Variants in VGLL4 observed in about 807,000 individuals in gnomAD.
VGLL4 encodes the protein vestigial like family member 4, also known as transcription cofactor vestigial-like protein 4.
VGLL4 carries 7 observed loss-of-function variants against 21.0 expected under a neutral mutation model. That is an observed-to-expected ratio of 0.33 (90% confidence interval 0.19 to 0.63). VGLL4 has a LOEUF of 0.63. VGLL4 is among the 20% of genes least tolerant of loss of function. The probability of loss-of-function intolerance (pLI) is 0.78; values close to 1 mark genes in which losing one functional copy is unlikely to be tolerated. For synonymous variants in VGLL4, 222 were observed against 173.2 expected (o/e 1.28, Z -2.21); for missense variants, 394 against 425.7 (o/e 0.93, Z 0.66).
chr3:11,662,085 G>C (rs2076046685), intron 2 of VGLL4, among the ~76,000 whole-genome samples: 1 of 152,144 alleles, frequency 6.6e-6, no homozygotes, highest in East Asian at 1.9e-4. Flanking sequence ...GCCCAAGAAA[G>C]CTATCAGAAG....
At chr3:11,703,359 C>T (rs1342514883) in intron 1 of VGLL4, among the ~76,000 whole-genome samples, 2 of 152,170 alleles carry the variant, frequency 1.3e-5, no homozygotes, top group Non-Finnish European at 2.9e-5. Flanking sequence ...CATAACATGC[C>T]TGTATAAACA....
At chr3:11,634,280 T>C (rs1186794367) in intron 1 of VGLL4, among the ~76,000 whole-genome samples, 1 of 152,178 alleles carries the variant, frequency 6.6e-6, no homozygotes, top group African/African-American at 2.4e-5. Context: ...CATCCGCTTG[T>C]AGGAGCTGGA....
intron 2 of VGLL4, among the ~76,000 whole-genome samples, chr3:11,700,930 T>A (rs1375207266): frequency 6.6e-6 from 1 of 152,206 alleles, no homozygotes; most frequent in African/African-American, 2.4e-5. Context: ...ATCAGGTGGT[T>A]ATATCCTCAC....
intron 2 of VGLL4, among the ~76,000 whole-genome samples, chr3:11,579,820 G>A (rs927594542): frequency 2.0e-5 from 3 of 152,132 alleles, no homozygotes; most frequent in Admixed American, 6.5e-5. Flanking sequence ...TACCACCCCC[G>A]GTGGTCATCA....
intron 3 of VGLL4, among the ~76,000 whole-genome samples, chr3:11,561,394 C>T (rs1378301402): frequency 1.3e-5 from 2 of 152,326 alleles, no homozygotes; most frequent in Non-Finnish European, 2.9e-5. Flanking sequence ...ACCTTCAGGG[C>T]ATCTCCTGAC....
chr3:11,639,359 G>A (rs943343058), intron 1 of VGLL4, among the ~76,000 whole-genome samples: 1 of 152,250 alleles, frequency 6.6e-6, no homozygotes, highest in Non-Finnish European at 1.5e-5. Flanking sequence ...GCAGCACGAA[G>A]AGCACCTTCC....
At chr3:11,695,776 C>T (rs2076598748) in intron 2 of VGLL4, among the ~76,000 whole-genome samples, 3 of 152,100 alleles carry the variant, frequency 2.0e-5, no homozygotes, top group Non-Finnish European at 4.4e-5. Context: ...CAGCGAGCCA[C>T]TCTTATGGAT....
At chr3:11,665,792 G>T (rs1278060730) in intron 2 of VGLL4, among the ~76,000 whole-genome samples, 1 of 152,224 alleles carries the variant, frequency 6.6e-6, no homozygotes, top group Non-Finnish European at 1.5e-5. Context: ...CCCTCTTTTC[G>T]TGAGCTGCAC....
chr3:11,683,799 C>T (rs184382279), intron 2 of VGLL4, among the ~76,000 whole-genome samples: 6 of 151,754 alleles, frequency 4.0e-5, no homozygotes, highest in Admixed American at 3.9e-4. Context: ...AACCAAAAAA[C>T]TCAACCTTGT....
At chr3:11,690,242 A>G (rs1177491941) in intron 2 of VGLL4, among the ~76,000 whole-genome samples, 1 of 152,210 alleles carries the variant, frequency 6.6e-6, no homozygotes, top group East Asian at 1.9e-4. Flanking sequence ...ATCTGTTTTC[A>G]GTCTTCCAGG....
At chr3:11,574,769 G>A (rs904250465) in intron 2 of VGLL4, among the ~76,000 whole-genome samples, 1 of 145,142 alleles carries the variant, frequency 6.9e-6, no homozygotes, top group African/African-American at 2.6e-5. Context: ...TACAATTACT[G>A]TCAATTCAAC....
chr3:11,582,689 A>G (rs2074264307), intron 2 of VGLL4, among the ~76,000 whole-genome samples: 1 of 152,228 alleles, frequency 6.6e-6, no homozygotes, highest in Non-Finnish European at 1.5e-5. Flanking sequence ...GGCTAAAGAA[A>G]ACACAGGAGA....
At chr3:11,668,350 T>C (rs1178124072) in intron 2 of VGLL4, among the ~76,000 whole-genome samples, 1 of 152,228 alleles carries the variant, frequency 6.6e-6, no homozygotes, top group African/African-American at 2.4e-5. Flanking sequence ...ATGCTTACTA[T>C]TGCTTGTGGA....
chr3:11,639,533 C>A (rs2075650045), intron 1 of VGLL4, among the ~76,000 whole-genome samples: 1 of 152,218 alleles, frequency 6.6e-6, no homozygotes. Flanking sequence ...GTGAGGGCAC[C>A]CAGGACGGGG....
intron 2 of VGLL4, among the ~76,000 whole-genome samples, chr3:11,573,365 AAG>A (rs1210368258): frequency 1.4e-5 from 2 of 139,456 alleles, no homozygotes; most frequent in South Asian, 2.3e-4. Context: ...GAAAGAAAGA[AAG>A]AAAGAAAGAA....
chr3:11,598,185 A>C (rs1186087187), intron 2 of VGLL4, among the ~76,000 whole-genome samples: 1 of 151,998 alleles, frequency 6.6e-6, no homozygotes, highest in Non-Finnish European at 1.5e-5. Flanking sequence ...CACCACACCC[A>C]GCTAATTTTT....
At chr3:11,569,331 G>A (rs2073679602) in intron 2 of VGLL4, among the ~76,000 whole-genome samples, 1 of 152,296 alleles carries the variant, frequency 6.6e-6, no homozygotes, top group Middle Eastern at 3.4e-3. Context: ...AAGACATTTT[G>A]AGGATACATT....
chr3:11,621,492 G>C (rs140652160), intron 1 of VGLL4, among the ~76,000 whole-genome samples: 5 of 152,150 alleles, frequency 3.3e-5, no homozygotes, highest in Non-Finnish European at 7.3e-5. Flanking sequence ...ATGTTGTAAC[G>C]TATGTCAGTA....
chr3:11,637,449 CT>C (rs1242692255), intron 1 of VGLL4, among the ~76,000 whole-genome samples: 1 of 152,082 alleles, frequency 6.6e-6, no homozygotes, highest in Non-Finnish European at 1.5e-5. Flanking sequence ...TTACAGACTT[CT>C]TTGCAAACAA....
Sources: allele counts gnomAD v4.1 joint callset (sites outside exome capture counted in the v4.1 genomes callset), GRCh38; gene constraint gnomAD v4.1.1; transcripts MANE v1.5; gene names NCBI Gene and HGNC (gene_info 2026-07-23, HGNC 2026-07-21).